TIPIN: variants seen among roughly 807,000 people sequenced by gnomAD.
TIPIN encodes TIMELESS-interacting protein.
A neutral mutation model predicts 35.6 loss-of-function variants in TIPIN; 29 were observed. The observed-to-expected ratio is 0.82, with a 90% CI of 0.61 to 1.11. TIPIN has a LOEUF of 1.11. Ranked by LOEUF, TIPIN falls within the 50% of genes most tolerant of loss-of-function variation. The pLI, the probability that TIPIN is intolerant of heterozygous loss-of-function variation, is 0.00. For missense variants in TIPIN, 296 were observed against 345.4 expected (o/e 0.86, Z 1.13); for synonymous variants, 102 against 121.5 (o/e 0.84, Z 1.06).
At position 66,341,221 on chromosome 15, in the gene TIPIN, T is replaced by C; in HGVS notation, c.611A>G (p.Glu204Gly). 6.2e-7 allele frequency: 1 copy of C among 1,613,360 alleles called. No individual in the cohort carries two copies. The highest frequency in any genetic ancestry group is 8.5e-7 in the Non-Finnish European group (1 of 1,180,030). ...SLTEEQQQRI[E>G]RNKQLALERR... is the part of the protein sequence containing the mutation. ...TTCCAAGGCCAGTTGTTTATTTCTC[T>C]CAATTCTTTGTTGTTGCTCTTCTGT... The change falls in exon 7 of 8, where the codon GAG (glutamate) becomes GGG (glycine). Residue 204 changes from glutamate (E) to glycine (G), a missense_variant. Transcript: ENST00000261881.
Position 66,351,791 on chromosome 15 carries a change from C to A in TIPIN, c.213-191G>T, listed in dbSNP as rs577702710. Among the ~76,000 whole-genome samples the A allele has an allele frequency of 2.2e-4, 34 of 152,110 alleles. 1 individual carries two copies. Among genetic ancestry groups the A allele is most frequent in the Middle Eastern group, 6.8e-3 (2 of 294 alleles). On this transcript the variant is annotated intron_variant, in intron 3 of 7. Coordinates refer to ENST00000261881, the MANE Select transcript of TIPIN (RefSeq NM_017858.3). ...AGTAGCTGGGACTACAGGCACCCACCACTGCACCCAGCTAATTTTTTGTAT... is the reference window on the plus strand; with the variant it reads ...AGTAGCTGGGACTACAGGCACCCACAACTGCACCCAGCTAATTTTTTGTAT...
intron 6 of TIPIN, among the ~76,000 whole-genome samples, chr15:66,344,242 G>A (rs563350294): frequency 3.2e-4 from 48 of 152,004 alleles, no homozygotes; most frequent in Admixed American, 3.3e-4. Context: ...GGGACTATAG[G>A]TGTTGACCAC....
At chr15:66,363,250 T>G (rs1045991480) in intron 1 of TIPIN, among the ~76,000 whole-genome samples, 1 of 151,866 alleles carries the variant, frequency 6.6e-6, no homozygotes, top group African/African-American at 2.4e-5. Flanking sequence ...GGCTCACGCC[T>G]GTAATCCCAG....
At position 66,353,319 on chromosome 15, in the gene TIPIN, T is replaced by TAA. The variant is rs201875437; in HGVS notation, c.-8-366_-8-365dup. Among the ~76,000 whole-genome samples the TAA allele has an allele frequency of 5.5e-5, 8 of 146,102 alleles. No individual in the cohort carries two copies. The East Asian group carries it at 1.4e-3, about 25-fold the overall frequency. ...CACCCCCACTTCAATTAGAGCTGCT[T>TAA]AAAAAAAAAAAATCTGGGCTGGGCG... On this transcript the variant is annotated intron_variant, in intron 1 of 7. Transcript: ENST00000261881.
intron 1 of TIPIN, among the ~76,000 whole-genome samples, chr15:66,378,973 T>C (rs2093307872): frequency 6.6e-6 from 1 of 152,202 alleles, no homozygotes; most frequent in African/African-American, 2.4e-5. Flanking sequence ...TTGACTAGGC[T>C]GGTCTTAAAC....
At chr15:66,343,318 CCATCA>C (rs1267807546) in intron 6 of TIPIN, among the ~76,000 whole-genome samples, 7 of 152,220 alleles carry the variant, frequency 4.6e-5, no homozygotes, top group African/African-American at 1.7e-4. Flanking sequence ...AAGATAAACC[CCATCA>C]CATCTGACAA....
upstream of TIPIN, among the ~76,000 whole-genome samples, chr15:66,360,734 A>G (rs1280171317): frequency 2.0e-5 from 3 of 152,202 alleles, no homozygotes; most frequent in South Asian, 4.1e-4. Context: ...TGGGAGCCCA[A>G]GGTAGGCAGA....
chr15:66,365,901 C>T (rs1361846375), intron 1 of TIPIN, among the ~76,000 whole-genome samples: 1 of 152,036 alleles, frequency 6.6e-6, no homozygotes, highest in African/African-American at 2.4e-5. Flanking sequence ...TTTCACTTTA[C>T]TCTGTGGACT....
intron 1 of TIPIN, chr15:66,383,427 T>C (rs1199684406): frequency 5.2e-6 from 1 of 193,544 alleles, no homozygotes. Flanking sequence ...CACATTCAGA[T>C]AATTTTTGTA....
chr15:66,378,164 G>A (rs765374939), intron 1 of TIPIN, among the ~76,000 whole-genome samples: 1 of 152,088 alleles, frequency 6.6e-6, no homozygotes, highest in Non-Finnish European at 1.5e-5. Context: ...AACCATGTCC[G>A]GCTAATTTTT....
upstream of TIPIN, among the ~76,000 whole-genome samples, chr15:66,358,699 G>C (rs1443678784): frequency 6.6e-6 from 1 of 152,110 alleles, no homozygotes; most frequent in Non-Finnish European, 1.5e-5. Context: ...TTACAGGCGT[G>C]AGCCACCGCA....
At position 66,349,618 on chromosome 15, in the gene TIPIN, C is replaced by A. The variant is rs77478684; in HGVS notation, c.289-181G>T. Among the ~76,000 whole-genome samples the A allele has an allele frequency of 3.1e-3, 475 of 152,152 alleles. 4 individuals are homozygous for A. The highest frequency in any genetic ancestry group is 4.6e-3 in the Non-Finnish European group (311 of 68,010). On this transcript the variant is annotated intron_variant, in intron 4 of 7. Coordinates refer to ENST00000261881, the MANE Select transcript of TIPIN (RefSeq NM_017858.3). ...TATTGGCCAGACACAGTGGTTCACA[C>A]CTGTAATTCTAGCACTATGGGAGGC...
At chr15:66,353,684 A>T (rs1016291010) in intron 1 of TIPIN, among the ~76,000 whole-genome samples, 23 of 151,990 alleles carry the variant, frequency 1.5e-4, no homozygotes, top group African/African-American at 3.6e-4. Context: ...ATAAAAAAAA[A>T]TTTTTAAATG....
chr15:66,379,610 G>A (rs2140500219), intron 1 of TIPIN: 9 of 1,609,508 alleles, frequency 5.6e-6, no homozygotes, highest in Middle Eastern at 1.7e-4. Context: ...GGATAACGAC[G>A]ATGATGGGGA....
At chr15:66,367,415 G>A (rs1353913340) in intron 1 of TIPIN, among the ~76,000 whole-genome samples, 1 of 149,432 alleles carries the variant, frequency 6.7e-6, no homozygotes, top group Non-Finnish European at 1.5e-5. Context: ...TTTTTTTTGA[G>A]ATGGAGTCTC....
intron 1 of TIPIN, among the ~76,000 whole-genome samples, chr15:66,353,303 T>C (rs1028167331): frequency 1.3e-5 from 2 of 151,822 alleles, no homozygotes; most frequent in African/African-American, 4.8e-5. Flanking sequence ...TCACCCCCAC[T>C]TCAATTAGAG....
At chr15:66,338,813 C>CAAAAAA (rs35966273) in intron 7 of TIPIN, among the ~76,000 whole-genome samples, 3 of 35,252 alleles carry the variant, frequency 8.5e-5, no homozygotes, top group Non-Finnish European at 1.0e-4. Flanking sequence ...GACTCCGTCT[C>CAAAAAA]AAAAAAAAAA....
intron 1 of TIPIN, among the ~76,000 whole-genome samples, chr15:66,363,846 G>A (rs1192309224): frequency 3.2e-5 from 4 of 126,636 alleles, no homozygotes; most frequent in Admixed American, 2.6e-4. Flanking sequence ...GCGGGAGGTG[G>A]TGGCAGGCGC....
chr15:66,382,541 A>G (rs923969845), intron 1 of TIPIN, among the ~76,000 whole-genome samples: 2 of 152,088 alleles, frequency 1.3e-5, no homozygotes, highest in Non-Finnish European at 2.9e-5. Context: ...TGCCTGTCTA[A>G]TATTTGTATT....
Sources: gnomAD v4.1 joint callset for allele counts (sites outside exome capture counted in the v4.1 genomes callset) on GRCh38, gnomAD v4.1.1 for gene constraint, MANE v1.5 for transcripts, NCBI Gene and HGNC (gene_info 2026-07-23, HGNC 2026-07-21) for gene names.